PRKG2: variants seen among roughly 807,000 people sequenced by gnomAD.
The protein encoded by PRKG2 is cGMP-dependent protein kinase 2.
In PRKG2, 33 loss-of-function variants were observed where a neutral mutation model predicts 97.2. The observed-to-expected ratio is 0.34, with a 90% confidence interval of 0.26 to 0.45. PRKG2 has a LOEUF of 0.45. PRKG2 is among the 20% of genes least tolerant of loss of function. PRKG2 has a pLI of 1.00. For missense variants in PRKG2, 638 were observed against 900.0 expected, an observed-to-expected ratio of 0.71 and a Z score of 3.73; for synonymous variants, 330 against 321.8, an observed-to-expected ratio of 1.03 and a Z score of -0.27.
intron 14 of PRKG2, among the ~76,000 whole-genome samples, chr4:81,118,646 T>C (rs1744783723): frequency 3.9e-5 from 6 of 152,222 alleles, no homozygotes; most frequent in African/African-American, 1.4e-4. Context: ...TCAAGTTGTT[T>C]GTTTTCTTAT....
intron 17 of PRKG2, 66 bp from the exon 18 acceptor site, chr4:81,092,518 A>G (rs997080556): frequency 2.8e-5 from 26 of 912,390 alleles, no homozygotes; most frequent in Admixed American, 7.1e-5. Flanking sequence ...GGAAGGGAGA[A>G]AGAAAGAGAC....
intron 14 of PRKG2, among the ~76,000 whole-genome samples, chr4:81,129,213 A>G (rs979366197): frequency 6.6e-6 from 1 of 151,968 alleles, no homozygotes; most frequent in Non-Finnish European, 1.5e-5. Context: ...TTTGCTGAGG[A>G]GTGTTTTATT....
chr4:81,167,066 G>C, intron 6 of PRKG2, 95 bp downstream of exon 6: 1 of 905,970 alleles, frequency 1.1e-6, no homozygotes, highest in Admixed American at 3.0e-5. Flanking sequence ...GTAGACTGGT[G>C]CTCTGACATC....
intron 9 of PRKG2, among the ~76,000 whole-genome samples, chr4:81,146,074 G>A (rs560240519): frequency 6.6e-6 from 1 of 152,194 alleles, no homozygotes; most frequent in East Asian, 1.9e-4. Context: ...AAAACAGGAT[G>A]GCTATGAATT....
At chr4:81,143,439 G>A (rs150209561) in intron 10 of PRKG2, among the ~76,000 whole-genome samples, 1 of 152,124 alleles carries the variant, frequency 6.6e-6, no homozygotes, top group South Asian at 2.1e-4. Context: ...TTGAAGCTTT[G>A]CATGGCTGAA....
intron 2 of PRKG2, among the ~76,000 whole-genome samples, chr4:81,201,633 A>G (rs10033237): frequency 0.42 from 63,130 of 152,076 alleles, 18,241 homozygotes; most frequent in African/African-American, 0.81. Context: ...TGATATATCT[A>G]AGCACAGGTA....
intron 14 of PRKG2, among the ~76,000 whole-genome samples, chr4:81,119,380 A>G (rs1744854981): frequency 6.6e-6 from 1 of 152,162 alleles, no homozygotes; most frequent in South Asian, 2.1e-4. Flanking sequence ...TCTTTGCTCC[A>G]TGTATTGCTT....
chr4:81,101,706 T>G (rs1312097724), intron 17 of PRKG2, among the ~76,000 whole-genome samples: 1 of 103,370 alleles, frequency 9.7e-6, no homozygotes, highest in Non-Finnish European at 1.9e-5. Context: ...CCCTAAAACT[T>G]AAAATATAAT....
intron 1 of PRKG2, among the ~76,000 whole-genome samples, chr4:81,208,862 T>G (rs1436438285): frequency 6.6e-6 from 1 of 152,144 alleles, no homozygotes; most frequent in Non-Finnish European, 1.5e-5. Flanking sequence ...GAATTATGAA[T>G]GACACGGAGC....
At chr4:81,090,747 C>T (rs1024873469) in intron 18 of PRKG2, among the ~76,000 whole-genome samples, 3 of 152,138 alleles carry the variant, frequency 2.0e-5, no homozygotes, top group Admixed American at 6.6e-5. Context: ...AAAGTGACAT[C>T]GCTGTAATAA....
chr4:81,182,777 T>C (rs1751529757), intron 2 of PRKG2, among the ~76,000 whole-genome samples: 2 of 152,126 alleles, frequency 1.3e-5, no homozygotes, highest in Non-Finnish European at 2.9e-5. Flanking sequence ...CATTAAAAAA[T>C]TTTAAATAAT....
chr4:81,140,688 G>GAT lies in PRKG2; in HGVS notation c.1408-21_1408-20dup. The GAT allele has an allele frequency of 6.3e-7, 1 of 1,586,482 alleles. No homozygotes were observed. Among genetic ancestry groups the GAT allele is most frequent in the Non-Finnish European group, 8.6e-7 (1 of 1,156,392 alleles). Reference sequence around the variant, plus strand: ...CTTTAACCTATGTAAGAAATGGAAAGATACCTCAAAATTAACTTATATCTA... The same window carrying GAT: ...CTTTAACCTATGTAAGAAATGGAAAGATATACCTCAAAATTAACTTATATCTA... On this transcript the variant is annotated intron_variant, in intron 11 of 18. Transcript: ENST00000264399.
intron 4 of PRKG2, among the ~76,000 whole-genome samples, chr4:81,170,472 C>A (rs1250921467): frequency 6.6e-6 from 1 of 151,834 alleles, no homozygotes; most frequent in Non-Finnish European, 1.5e-5. Flanking sequence ...TGATCAAAAC[C>A]CAAAGCTCTG....
intron 17 of PRKG2, among the ~76,000 whole-genome samples, chr4:81,093,663 G>T (rs2109943485): frequency 6.6e-6 from 1 of 152,226 alleles, no homozygotes; most frequent in East Asian, 1.9e-4. Flanking sequence ...AGCAGAAAAA[G>T]TATTTTACAG....
At chr4:81,120,008 A>G (rs1744927024) in intron 14 of PRKG2, among the ~76,000 whole-genome samples, 1 of 152,180 alleles carries the variant, frequency 6.6e-6, no homozygotes, top group Admixed American at 6.5e-5. Flanking sequence ...AGAGAACTAA[A>G]TATGGCCTGA....
At chr4:81,193,668 C>A (rs113038912) in intron 2 of PRKG2, among the ~76,000 whole-genome samples, 1 of 152,014 alleles carries the variant, frequency 6.6e-6, no homozygotes, top group Non-Finnish European at 1.5e-5. Context: ...GGTGCAACCC[C>A]ATCTCTACTA....
At chr4:81,129,856 G>T (rs181462747) in intron 14 of PRKG2, among the ~76,000 whole-genome samples, 1 of 152,134 alleles carries the variant, frequency 6.6e-6, no homozygotes, top group Non-Finnish European at 1.5e-5. Flanking sequence ...TATTATGTGT[G>T]AATTTGATCC....
At position 81,189,066 on chromosome 4, in the gene PRKG2, T is replaced by TAAAAAAAAAAAAAAAAAAAAAAAAAAAA; in HGVS notation, c.462-14108_462-14107insTTTTTTTTTTTTTTTTTTTTTTTTTTTT. 1.2e-4 allele frequency among the ~76,000 whole-genome samples: 2 copies of TAAAAAAAAAAAAAAAAAAAAAAAAAAAA among 17,056 alleles called. 1 individual carries two copies. Among genetic ancestry groups the TAAAAAAAAAAAAAAAAAAAAAAAAAAAA allele is most frequent in the Non-Finnish European group, 1.5e-4 (2 of 12,996 alleles). 11.2% of individuals were successfully genotyped at this position (17,056 alleles called of 152,430 possible). The stretch of plus-strand genomic sequence containing the variant: ...AAAAAAAAAAGATTAAAAAAAATAA[T>TAAAAAAAAAAAAAAAAAAAAAAAAAAAA]AAAAAAAAAAAAAAAAAAAAAAAAA... On this transcript the variant is annotated intron_variant, in intron 2 of 18. Coordinates refer to ENST00000264399, the MANE Select transcript of PRKG2 (RefSeq NM_006259.3).
intron 15 of PRKG2, among the ~76,000 whole-genome samples, chr4:81,109,548 G>T (rs1394765866): frequency 1.3e-5 from 2 of 152,088 alleles, no homozygotes; most frequent in South Asian, 2.1e-4. Context: ...TTAGTCAGAA[G>T]ATCTAGTATT....
Sources: allele counts gnomAD v4.1 joint callset (sites outside exome capture counted in the v4.1 genomes callset), GRCh38; gene constraint gnomAD v4.1.1; transcripts MANE v1.5; gene names NCBI Gene and HGNC (gene_info 2026-07-23, HGNC 2026-07-21).